Variants in TASP1 observed in about 807,000 individuals in gnomAD.
TASP1 encodes the protein taspase 1, also known as threonine aspartase 1.
A neutral mutation model predicts 56.6 loss-of-function variants in TASP1; 16 were observed. That is an observed-to-expected ratio of 0.28 (90% CI 0.19 to 0.43). The LOEUF (loss-of-function observed/expected upper bound fraction) is 0.43, where lower values mean the gene tolerates loss of function less well. TASP1 is among the 20% of genes least tolerant of loss of function. TASP1 has a pLI of 1.00. For synonymous variants in TASP1, 179 were observed against 184.2 expected, an observed-to-expected ratio of 0.97 and a Z score of 0.23; for missense variants, 393 against 511.6, an observed-to-expected ratio of 0.77 and a Z score of 2.24.
chr20:13,262,314 T>TAGA, the TASP1 span, among the ~76,000 whole-genome samples: 9 of 152,326 alleles, frequency 5.9e-5, no homozygotes, highest in Admixed American at 2.0e-4. Context: ...GGAAGGCTGA[T>TAGA]AGAAAGCCTT....
chr20:13,165,935 GTAAC>G, the TASP1 span: 2 of 152,204 alleles, frequency 1.3e-5, no homozygotes, highest in Non-Finnish European at 2.9e-5. Flanking sequence ...ACACTTTGAG[GTAAC>G]TAACTGTAAT....
the TASP1 span, among the ~76,000 whole-genome samples, chr20:13,124,117 C>A: frequency 6.6e-6 from 1 of 152,148 alleles, no homozygotes. Context: ...TGGGGAAAAC[C>A]CACCCAGCTT....
the TASP1 span, among the ~76,000 whole-genome samples, chr20:13,373,301 GA>G: frequency 6.6e-6 from 1 of 151,908 alleles, no homozygotes; most frequent in Non-Finnish European, 1.5e-5. Flanking sequence ...AGACAAGAAA[GA>G]AAAATATATA....
chr20:13,311,175 CA>C, the TASP1 span, among the ~76,000 whole-genome samples: 1 of 149,866 alleles, frequency 6.7e-6, no homozygotes, highest in East Asian at 1.9e-4. Flanking sequence ...GCCTGGGCAA[CA>C]AGAGTGAAAC....
the TASP1 span, among the ~76,000 whole-genome samples, chr20:13,340,912 T>C: frequency 6.6e-6 from 1 of 152,210 alleles, no homozygotes; most frequent in Non-Finnish European, 1.5e-5. Flanking sequence ...GTAAGAAAAA[T>C]GTAGCACAGA....
intron 4 of TASP1, among the ~76,000 whole-genome samples, chr20:13,621,189 C>T (rs1219175489): frequency 1.3e-5 from 2 of 151,684 alleles, no homozygotes; most frequent in Non-Finnish European, 2.9e-5. Context: ...TTTGGGAGGC[C>T]GAGGTGGGTG....
chr20:13,287,276 T>C, the TASP1 span, among the ~76,000 whole-genome samples: 12 of 152,282 alleles, frequency 7.9e-5, no homozygotes, highest in East Asian at 2.3e-3. Context: ...TTACATGGTG[T>C]CAGGCCAGGG....
At chr20:13,142,715 G>T in the TASP1 span, among the ~76,000 whole-genome samples, 1 of 152,150 alleles carries the variant, frequency 6.6e-6, no homozygotes, top group South Asian at 2.1e-4. Flanking sequence ...TTTATCTGGA[G>T]CTCAGGCACC....
At chr20:13,286,538 C>G in the TASP1 span, among the ~76,000 whole-genome samples, 1 of 152,142 alleles carries the variant, frequency 6.6e-6, no homozygotes. Context: ...AATCAAAGTT[C>G]AGAAAAATTC....
At chr20:13,307,742 T>C in the TASP1 span, among the ~76,000 whole-genome samples, 2 of 152,358 alleles carry the variant, frequency 1.3e-5, no homozygotes, top group African/African-American at 4.8e-5. Flanking sequence ...TGTGAAATTC[T>C]TCCATATCGC....
At chr20:13,363,206 T>A in the TASP1 span, among the ~76,000 whole-genome samples, 1 of 152,102 alleles carries the variant, frequency 6.6e-6, no homozygotes, top group Non-Finnish European at 1.5e-5. Flanking sequence ...AGACCAAATC[T>A]TGATTACAAG....
chr20:13,442,329 C>G (rs6109881), intron 11 of TASP1, among the ~76,000 whole-genome samples: 1,691 of 151,938 alleles, frequency 0.011, 42 homozygotes, highest in African/African-American at 0.038. Flanking sequence ...ACACATACTC[C>G]TGCCTACATC....
chr20:13,543,926 C>G (rs1436056972), intron 8 of TASP1, among the ~76,000 whole-genome samples: 1 of 152,170 alleles, frequency 6.6e-6, no homozygotes, highest in African/African-American at 2.4e-5. Context: ...TTTAGATCTT[C>G]CCTAATGTAC....
chr20:13,606,348 G>A (rs1250805070), intron 4 of TASP1, among the ~76,000 whole-genome samples: 1 of 152,070 alleles, frequency 6.6e-6, no homozygotes, highest in Non-Finnish European at 1.5e-5. Context: ...TTATCAGAGA[G>A]TGCTCCCCTT....
At chr20:13,358,603 A>C in the TASP1 span, among the ~76,000 whole-genome samples, 1 of 151,926 alleles carries the variant, frequency 6.6e-6, no homozygotes, top group Admixed American at 6.6e-5. Context: ...GGGAGAGACA[A>C]AGGACACACG....
chr20:13,331,852 C>A, the TASP1 span, among the ~76,000 whole-genome samples: 2 of 152,158 alleles, frequency 1.3e-5, no homozygotes, highest in African/African-American at 4.8e-5. Context: ...ATCTTGCTCA[C>A]CATGCAATAT....
the TASP1 span, among the ~76,000 whole-genome samples, chr20:13,278,321 GA>G: frequency 6.6e-6 from 1 of 152,316 alleles, no homozygotes; most frequent in South Asian, 2.1e-4. Context: ...TATCTGCTCT[GA>G]CCCTAAGGGT....
At chr20:13,286,643 C>T in the TASP1 span, among the ~76,000 whole-genome samples, 1 of 152,132 alleles carries the variant, frequency 6.6e-6, no homozygotes, top group South Asian at 2.1e-4. Flanking sequence ...AGGACACAAC[C>T]ATGAAATCCA....
At chr20:13,127,084 A>G in the TASP1 span, among the ~76,000 whole-genome samples, 1 of 152,200 alleles carries the variant, frequency 6.6e-6, no homozygotes, top group African/African-American at 2.4e-5. Flanking sequence ...AGCCAATTTA[A>G]TATCCAATTT....
Sources: allele counts gnomAD v4.1 joint callset (sites outside exome capture counted in the v4.1 genomes callset), GRCh38; gene constraint gnomAD v4.1.1; transcripts MANE v1.5; gene names NCBI Gene and HGNC (gene_info 2026-07-23, HGNC 2026-07-21).